The following CACNG5 variants were observed in gnomAD, a reference collection of about 807,000 sequenced individuals.
CACNG5 encodes calcium voltage-gated channel auxiliary subunit gamma 5, also known as voltage-dependent calcium channel gamma-5 subunit.
CACNG5 carries 18 observed loss-of-function variants against 24.8 expected under a neutral mutation model. The observed-to-expected ratio is 0.73, with a 90% CI of 0.50 to 1.08. CACNG5 has a LOEUF of 1.08. Among genes scored for constraint, CACNG5 ranks in the 50% least tolerant of loss-of-function variants. CACNG5 has a pLI of 0.00. For missense variants in CACNG5, 349 were observed against 367.9 expected (o/e 0.95, Z 0.42); for synonymous variants, 157 against 149.1 (o/e 1.05, Z -0.39).
At chr17:66,858,482 C>T (rs998735972) in intron 1 of CACNG5, among the ~76,000 whole-genome samples, 5 of 152,142 alleles carry the variant, frequency 3.3e-5, no homozygotes, top group Admixed American at 2.0e-4. Flanking sequence ...GCCTGGGCCT[C>T]CCCCACCCGC....
chr17:66,851,048 G>T (rs72843340), intron 1 of CACNG5, among the ~76,000 whole-genome samples: 34,679 of 151,874 alleles, frequency 0.23, 4,414 homozygotes, highest in South Asian at 0.41. Context: ...CCAGAAGTTC[G>T]CACTGAGACT....
rs1203884427 is a variant in CACNG5, at chr17:66,887,675, C to T, written c.*2435C>T. 1.3e-5 allele frequency among the ~76,000 whole-genome samples: 2 copies of T among 152,100 alleles called. No individual in the cohort carries two copies. The highest frequency in any genetic ancestry group is 6.5e-5 in the Admixed American group (1 of 15,272). On this transcript the variant is annotated 3_prime_UTR_variant, in exon 6 of 6. Coordinates refer to ENST00000533854, the MANE Select transcript of CACNG5 (RefSeq NM_145811.3). ...TGTGCCAGGCTTGTTTTTGGTGCAC[C>T]TGGAAAAAGTAGAATCCACTCCTAA...
At chr17:66,851,235 G>A (rs1034006924) in intron 1 of CACNG5, among the ~76,000 whole-genome samples, 2 of 152,158 alleles carry the variant, frequency 1.3e-5, no homozygotes, top group Admixed American at 6.6e-5. Context: ...GCCCCCCAGG[G>A]GGAGAAATCC....
At chr17:66,862,892 C>CTGTGTGTGTGTGTGTG (rs56308917) in intron 1 of CACNG5, among the ~76,000 whole-genome samples, 31 of 142,170 alleles carry the variant, frequency 2.2e-4, no homozygotes, top group African/African-American at 7.7e-4. Context: ...AGCATATTCT[C>CTGTGTGTGTGTGTGTG]TGTGTGTGTG....
intron 1 of CACNG5, among the ~76,000 whole-genome samples, chr17:66,870,546 T>C (rs1007978221): frequency 1.3e-5 from 2 of 152,146 alleles, no homozygotes; most frequent in Non-Finnish European, 2.9e-5. Flanking sequence ...CAAATGTCCA[T>C]AGGGCCGAGG....
intron 1 of CACNG5, among the ~76,000 whole-genome samples, chr17:66,868,956 A>T (rs974737835): frequency 6.6e-6 from 1 of 152,208 alleles, no homozygotes; most frequent in African/African-American, 2.4e-5. Context: ...ATGCCATGGA[A>T]GTTGGAGAGC....
intron 1 of CACNG5, among the ~76,000 whole-genome samples, chr17:66,848,085 A>G (rs1976662285): frequency 6.6e-6 from 1 of 151,692 alleles, no homozygotes; most frequent in African/African-American, 2.4e-5. Flanking sequence ...TGTCGGGACA[A>G]CCTCGTTGCT....
chr17:66,873,145 G>A (rs892669742), intron 1 of CACNG5, among the ~76,000 whole-genome samples: 2 of 152,150 alleles, frequency 1.3e-5, no homozygotes. Context: ...CAGGGTTATC[G>A]TGAGGTCCTG....
intron 1 of CACNG5, among the ~76,000 whole-genome samples, chr17:66,861,636 T>A (rs1197776817): frequency 6.6e-6 from 1 of 152,220 alleles, no homozygotes; most frequent in East Asian, 1.9e-4. Flanking sequence ...AGATGACCAG[T>A]GTCACTAGAA....
intron 1 of CACNG5, among the ~76,000 whole-genome samples, chr17:66,845,935 A>C (rs1166545681): frequency 6.6e-6 from 1 of 152,180 alleles, no homozygotes; most frequent in East Asian, 1.9e-4. Context: ...TAAGACCTTA[A>C]GGACCTGACC....
At chr17:66,880,436 C>A (rs1977140475) in intron 3 of CACNG5, 121 bp from the exon 4 acceptor site, 3 of 1,220,248 alleles carry the variant, frequency 2.5e-6, no homozygotes, top group Non-Finnish European at 2.3e-6. Context: ...CTGGGGAACC[C>A]CTGCAGGGGT....
intron 1 of CACNG5, among the ~76,000 whole-genome samples, chr17:66,858,490 C>T (rs1007496548): frequency 2.6e-5 from 4 of 152,202 alleles, no homozygotes; most frequent in Non-Finnish European, 5.9e-5. Flanking sequence ...CTCCCCCACC[C>T]GCCACGCTCT....
intron 1 of CACNG5, among the ~76,000 whole-genome samples, chr17:66,848,563 T>C (rs887242448): frequency 6.6e-6 from 1 of 152,226 alleles, no homozygotes; most frequent in Non-Finnish European, 1.5e-5. Context: ...GACTAAAGTG[T>C]TACTGGCTGA....
chr17:66,883,348 T>C (rs1977192095), intron 4 of CACNG5, among the ~76,000 whole-genome samples: 1 of 152,014 alleles, frequency 6.6e-6, no homozygotes, highest in South Asian at 2.1e-4. Context: ...ATTTCAATGA[T>C]AACAATAAAG....
rs1254856651 is a variant in CACNG5, at chr17:66,885,916, G to T, written c.*676G>T. ...GGGCCCTGGCACTAAGGGACTAAGG[G>T]TGGCTCTGAGGCCACACTGATGAAG... On this transcript the variant is annotated 3_prime_UTR_variant, in exon 6 of 6. Transcript: ENST00000533854. Among the ~76,000 whole-genome samples the T allele has an allele frequency of 6.6e-6, 1 of 152,222 alleles. No individual in the cohort carries two copies. The highest frequency in any genetic ancestry group is 1.5e-5 in the Non-Finnish European group (1 of 68,038).
intron 1 of CACNG5, among the ~76,000 whole-genome samples, chr17:66,858,938 TGTG>T (rs1001283207): frequency 1.3e-5 from 2 of 152,188 alleles, no homozygotes; most frequent in African/African-American, 2.4e-5. Flanking sequence ...GGCACAGCCT[TGTG>T]GTGACAGCAA....
intron 1 of CACNG5, among the ~76,000 whole-genome samples, chr17:66,870,069 G>C (rs982875974): frequency 1.3e-5 from 2 of 151,670 alleles, no homozygotes; most frequent in East Asian, 3.9e-4. Flanking sequence ...GGCAAAAAGA[G>C]TGAAACTCCG....
At chr17:66,850,599 T>C (rs200624514) in intron 1 of CACNG5, among the ~76,000 whole-genome samples, 5 of 142,318 alleles carry the variant, frequency 3.5e-5, no homozygotes, top group Non-Finnish European at 6.1e-5. Flanking sequence ...CACAAATACA[T>C]ACACACACAC....
At chr17:66,858,823 C>A (rs1405412067) in intron 1 of CACNG5, among the ~76,000 whole-genome samples, 1 of 152,164 alleles carries the variant, frequency 6.6e-6, no homozygotes. Flanking sequence ...TTTAAAGTGA[C>A]TCTTGAGAGA....
Sources: gnomAD v4.1 joint callset for allele counts (sites outside exome capture counted in the v4.1 genomes callset) on GRCh38, gnomAD v4.1.1 for gene constraint, MANE v1.5 for transcripts, NCBI Gene and HGNC (gene_info 2026-07-23, HGNC 2026-07-21) for gene names.